Variants in TSHZ2 observed in about 807,000 individuals in gnomAD.
The protein encoded by TSHZ2 is teashirt homolog 2.
Under a neutral mutation model 74.4 loss-of-function variants are expected in TSHZ2, and 21 were observed. The ratio of observed to expected loss-of-function variants is 0.28; its 90% CI spans 0.20 to 0.41. The LOEUF (loss-of-function observed/expected upper bound fraction) is 0.41. Ranked by LOEUF, TSHZ2 falls within the 10% of genes least tolerant of loss-of-function variation. The pLI is 1.00. For missense variants in TSHZ2, 1,244 were observed against 1,293.5 expected (o/e 0.96, Z 0.59); for synonymous variants, 540 against 515.3 (o/e 1.05, Z -0.65).
chr20:53,322,534 A>C (rs976309051), intron 2 of TSHZ2, among the ~76,000 whole-genome samples: 1 of 152,136 alleles, frequency 6.6e-6, no homozygotes, highest in Non-Finnish European at 1.5e-5. Flanking sequence ...AGAAAAAAAA[A>C]ACATGACTTT....
intron 2 of TSHZ2, among the ~76,000 whole-genome samples, chr20:53,377,317 T>C (rs1600591127): frequency 6.6e-6 from 1 of 152,332 alleles, no homozygotes; most frequent in East Asian, 1.9e-4. Flanking sequence ...ACTTTCTTCT[T>C]GTGACATGTT....
In TSHZ2 at chr20:53,116,863, G is replaced by A. The variant is rs186458464; in HGVS notation, c.41-136636G>A. 7.4e-4 allele frequency among the ~76,000 whole-genome samples: 112 copies of A among 152,188 alleles called. 1 individual carries two copies. The highest frequency in any genetic ancestry group is 4.2e-3 in the Admixed American group (64 of 15,280). On this transcript the variant is annotated intron_variant, in intron 1 of 2. Transcript: ENST00000371497. The stretch of plus-strand genomic sequence containing the variant: ...TCTGGGCTACTATAGCAAGAACCAC[G>A]GGCTATGTGGCTTGCTCAACCAACA...
intron 1 of TSHZ2, among the ~76,000 whole-genome samples, chr20:53,157,184 A>G (rs1405800867): frequency 6.6e-6 from 1 of 152,170 alleles, no homozygotes; most frequent in Non-Finnish European, 1.5e-5. Flanking sequence ...TAATTTCTCA[A>G]TTATGCTTGA....
chr20:53,389,429 C>T (rs1218070999), intron 2 of TSHZ2, among the ~76,000 whole-genome samples: 1 of 152,192 alleles, frequency 6.6e-6, no homozygotes, highest in Non-Finnish European at 1.5e-5. Flanking sequence ...TCTAAGTCCA[C>T]ATTAGGCCTG....
At chr20:53,453,871 C>G (rs146585655) in intron 2 of TSHZ2, among the ~76,000 whole-genome samples, 128 of 152,212 alleles carry the variant, frequency 8.4e-4, no homozygotes, top group Non-Finnish European at 1.5e-3. Context: ...CTGGGAATGA[C>G]AGACTGGTTT....
intron 1 of TSHZ2, among the ~76,000 whole-genome samples, chr20:53,064,711 T>C (rs1014411323): frequency 6.2e-4 from 74 of 119,482 alleles, no homozygotes; most frequent in African/African-American, 2.6e-3. Flanking sequence ...CACACACAAT[T>C]GTGTGAAGCC....
intron 2 of TSHZ2, among the ~76,000 whole-genome samples, chr20:53,429,940 G>A (rs1057386472): frequency 6.6e-6 from 1 of 152,130 alleles, no homozygotes; most frequent in African/African-American, 2.4e-5. Flanking sequence ...AGTATCCTTG[G>A]TCCTCATCTG....
chr20:53,440,855 A>G (rs568588692), intron 2 of TSHZ2, among the ~76,000 whole-genome samples: 2 of 152,356 alleles, frequency 1.3e-5, no homozygotes, highest in East Asian at 3.9e-4. Context: ...CCACGTTGGG[A>G]AAAAACAAGA....
chr20:53,020,014 C>A (rs1016967719), intron 1 of TSHZ2, among the ~76,000 whole-genome samples: 1 of 152,156 alleles, frequency 6.6e-6, no homozygotes, highest in African/African-American at 2.4e-5. Context: ...AAGCAAGGCA[C>A]GTCCTACATG....
intron 1 of TSHZ2, among the ~76,000 whole-genome samples, chr20:53,210,382 CGGT>C (rs1392973966): frequency 2.0e-5 from 3 of 151,700 alleles, no homozygotes; most frequent in African/African-American, 7.3e-5. Flanking sequence ...TTTTATCGAG[CGGT>C]GGAGGTGGCT....
At chr20:53,329,939 A>G (rs980922053) in intron 2 of TSHZ2, among the ~76,000 whole-genome samples, 1 of 152,220 alleles carries the variant, frequency 6.6e-6, no homozygotes, top group African/African-American at 2.4e-5. Context: ...ATACACTGAA[A>G]CCCTCAGGCC....
intron 1 of TSHZ2, chr20:53,098,075 T>C (rs1034399217): frequency 6.6e-6 from 1 of 152,212 alleles, no homozygotes; most frequent in Non-Finnish European, 1.5e-5. Context: ...CTAAGTCTGA[T>C]TTGGAGTCTG....
At chr20:53,425,362 A>G (rs142634438) in intron 2 of TSHZ2, among the ~76,000 whole-genome samples, 209 of 152,344 alleles carry the variant, frequency 1.4e-3, no homozygotes, top group Non-Finnish European at 1.8e-3. Flanking sequence ...GCCCTCAGAC[A>G]CTGGACAGCA....
At chr20:53,139,511 G>A (rs745477593) in intron 1 of TSHZ2, among the ~76,000 whole-genome samples, 1 of 152,118 alleles carries the variant, frequency 6.6e-6, no homozygotes, top group Non-Finnish European at 1.5e-5. Context: ...TGCCAGCCTG[G>A]AGTACTTTCC....
chr20:53,151,716 A>G (rs1347488810), intron 1 of TSHZ2, among the ~76,000 whole-genome samples: 3 of 152,188 alleles, frequency 2.0e-5, no homozygotes, highest in African/African-American at 7.2e-5. Context: ...AATCAAAGAT[A>G]AGGGATTGTG....
intron 2 of TSHZ2, among the ~76,000 whole-genome samples, chr20:53,275,300 C>T (rs146747986): frequency 9.7e-4 from 148 of 152,252 alleles, no homozygotes; most frequent in African/African-American, 3.4e-3. Context: ...AGAGTCTCCT[C>T]TGTCCTCATG....
chr20:53,302,063 T>A (rs1978337269), intron 2 of TSHZ2, among the ~76,000 whole-genome samples: 1 of 152,170 alleles, frequency 6.6e-6, no homozygotes, highest in South Asian at 2.1e-4. Context: ...CAGATTGGCA[T>A]CGCTTAATCC....
At chr20:53,418,623 A>C (rs923426666) in intron 2 of TSHZ2, among the ~76,000 whole-genome samples, 1 of 152,058 alleles carries the variant, frequency 6.6e-6, no homozygotes, top group African/African-American at 2.4e-5. Flanking sequence ...ACCTGCCCCC[A>C]TGATCCAATT....
intron 1 of TSHZ2, among the ~76,000 whole-genome samples, chr20:53,077,577 G>A (rs1395356579): frequency 2.0e-5 from 3 of 151,796 alleles, no homozygotes; most frequent in African/African-American, 7.3e-5. Flanking sequence ...GGATGATCCA[G>A]AGATAGAAAG....
Sources: allele counts gnomAD v4.1 joint callset (sites outside exome capture counted in the v4.1 genomes callset), GRCh38; gene constraint gnomAD v4.1.1; transcripts MANE v1.5; gene names NCBI Gene and HGNC (gene_info 2026-07-23, HGNC 2026-07-21).